Variants in PTPRZ1 observed in about 807,000 individuals in gnomAD.
PTPRZ1 encodes protein tyrosine phosphatase receptor type Z1, also known as receptor-type tyrosine-protein phosphatase zeta.
In PTPRZ1, 82 loss-of-function variants were observed where a neutral mutation model predicts 214.1. The ratio of observed to expected loss-of-function variants is 0.38; its 90% confidence interval spans 0.32 to 0.46. PTPRZ1 has a LOEUF of 0.46. Ranked by LOEUF, PTPRZ1 falls within the 20% of genes least tolerant of loss-of-function variation. The pLI is 1.00. For missense variants in PTPRZ1, 2,603 were observed against 2,748.7 expected, an observed-to-expected ratio of 0.95 and a Z score of 1.19; for synonymous variants, 945 against 987.9, an observed-to-expected ratio of 0.96 and a Z score of 0.81.
rs568839243 is a variant in PTPRZ1, at chr7:121,924,167, CAA to C, written c.59-3986_59-3985del. Among the ~76,000 whole-genome samples, 42 of 151,864 alleles carry C rather than the reference CAA, an allele frequency of 2.8e-4. No individual in the cohort carries two copies. The East Asian group carries it at 7.2e-3, about 26-fold the overall frequency. On this transcript the variant is annotated intron_variant, in intron 1 of 29. Transcript: ENST00000393386. ...GTCAAAGATTTTAAATGGAAAGAAA[CAA>C]AATATAAAAACTACAAAGAAACTGA...
At chr7:122,037,558 A>G (rs1251906805) in intron 18 of PTPRZ1, among the ~76,000 whole-genome samples, 1 of 152,210 alleles carries the variant, frequency 6.6e-6, no homozygotes, top group Admixed American at 6.5e-5. Flanking sequence ...GAACTCAATT[A>G]CTTCCCTAAG....
intron 8 of PTPRZ1, among the ~76,000 whole-genome samples, chr7:121,994,295 T>TTC (rs1798065935): frequency 7.9e-6 from 1 of 126,468 alleles, no homozygotes; most frequent in Non-Finnish European, 1.7e-5. Context: ...ATTTCTTTTT[T>TTC]TTTTTTTTTT....
chr7:121,915,185 C>A (rs1309169749), intron 1 of PTPRZ1, among the ~76,000 whole-genome samples: 1 of 152,040 alleles, frequency 6.6e-6, no homozygotes, highest in Non-Finnish European at 1.5e-5. Context: ...GATCACCATC[C>A]CAAATCACCA....
chr7:121,908,518 C>A, intron 1 of PTPRZ1: 1 of 349,054 alleles, frequency 2.9e-6, no homozygotes, highest in Non-Finnish European at 5.5e-6. Context: ...CCTAGCCTTT[C>A]TAATGGGGTT....
chr7:122,042,806 T>C, intron 22 of PTPRZ1, 63 bp downstream of exon 22: 2 of 1,519,478 alleles, frequency 1.3e-6, no homozygotes, highest in Non-Finnish European at 1.8e-6. Flanking sequence ...AAAATGTAGG[T>C]GTATTCATCT....
chr7:122,038,786 C>T lies in PTPRZ1; in HGVS notation c.5399C>T (p.Ala1800Val), dbSNP rs1289230498. 6.2e-7 allele frequency: 1 copy of T among 1,613,632 alleles called. No individual in the cohort carries two copies. The highest frequency in any genetic ancestry group is 1.7e-5 in the Admixed American group (1 of 60,000). Residue 1800 changes from alanine to valine, a missense_variant, in exon 19 of 30, where the codon GCC becomes GTC. By Grantham distance (64) the Ala-to-Val change is moderately conservative (BLOSUM62 0). Around this residue, in one of 6 missense-constraint regions of PTPRZ1, gnomAD observed 1,913 missense variants for 1,914.3 expected, o/e 1.00. Coordinates refer to ENST00000393386, the MANE Select transcript of PTPRZ1 (RefSeq NM_002851.3). ...GYNRPKAYIAAQGPLKSTAED... is the reference protein window; with the variant it reads ...GYNRPKAYIAVQGPLKSTAED... ...AACAGACCAAAAGCTTATATTGCTG[C>T]CCAAGGCCCACTGAAATCCACAGCT...
chr7:121,969,162 C>T (rs1270235593), intron 3 of PTPRZ1, among the ~76,000 whole-genome samples: 1 of 152,134 alleles, frequency 6.6e-6, no homozygotes, highest in East Asian at 1.9e-4. Context: ...CACTTGAACT[C>T]AAGAGTTGGA....
At position 122,014,650 on chromosome 7, in the gene PTPRZ1, G is replaced by T. The variant is rs887534258; in HGVS notation, c.4843+761G>T. Among the ~76,000 whole-genome samples, 3 of 152,100 alleles carry T rather than the reference G, an allele frequency of 2.0e-5. No homozygotes were observed. In the South Asian group the frequency reaches 6.2e-4, roughly 32 times the overall value. ...AGACGGGGTTTCACCATGTTAGCCA[G>T]GATGGTCTTGATCTCCTGACCTCGT... is the stretch of plus-strand genomic sequence containing the variant. On this transcript the variant is annotated intron_variant, in intron 12 of 29. Transcript: ENST00000393386.
At chr7:122,040,124 G>A (rs1799677383) in intron 20 of PTPRZ1, among the ~76,000 whole-genome samples, 1 of 152,182 alleles carries the variant, frequency 6.6e-6, no homozygotes, top group African/African-American at 2.4e-5. Flanking sequence ...TGTGATACAT[G>A]AACAGAAATT....
At position 121,997,890 on chromosome 7, in the gene PTPRZ1, T is replaced by G; in HGVS notation, c.1124T>G (p.Leu375Arg). Residue 375 changes from leucine (L) to arginine (R), a missense_variant, in exon 10 of 30, where the codon CTC becomes CGC. By Grantham distance (102) the Leu-to-Arg change is moderately radical (BLOSUM62 -2). Transcript: ENST00000393386. ...TDGYQDLGAILNNLLPNMSYV... is the reference protein window; with the variant it reads ...TDGYQDLGAIRNNLLPNMSYV... The stretch of plus-strand genomic sequence containing the variant: ...ACATCTTTCTTTTAGGGTGCTATTC[T>G]CAATAATTTGCTACCCAATATGAGT... 6.2e-7 allele frequency: 1 copy of G among 1,605,994 alleles called. No individual in the cohort carries two copies. Among genetic ancestry groups the G allele is most frequent in the Non-Finnish European group, 8.5e-7 (1 of 1,173,446 alleles).
chr7:122,003,508 A>G (rs1798386919), intron 10 of PTPRZ1, among the ~76,000 whole-genome samples: 1 of 152,202 alleles, frequency 6.6e-6, no homozygotes, highest in Non-Finnish European at 1.5e-5. Context: ...TGTATTGGAA[A>G]ACAGACCTGG....
chr7:122,010,355 A>G lies in PTPRZ1; in HGVS notation c.1309A>G (p.Ile437Val), dbSNP rs1327734551. 1.9e-6 allele frequency: 3 copies of G among 1,607,966 alleles called. No homozygotes were observed. The highest frequency in any genetic ancestry group is 2.7e-5 in the African/African-American group (2 of 74,432). ...IIKEEEEGKD[I>V]EEGAIVNPGR... is the part of the protein sequence containing the mutation. ...AAAGGAGGAGGAAGAGGGAAAAGACATTGAAGAAGGCGCTATTGTGAATCC... is the reference window on the plus strand; with the variant it reads ...AAAGGAGGAGGAAGAGGGAAAAGACGTTGAAGAAGGCGCTATTGTGAATCC... Residue 437 changes from isoleucine to valine, a missense_variant, in exon 12 of 30, where the codon ATT becomes GTT. Coordinates refer to ENST00000393386, the MANE Select transcript of PTPRZ1 (RefSeq NM_002851.3).
intron 26 of PTPRZ1, among the ~76,000 whole-genome samples, chr7:122,054,611 C>A (rs1792293484): frequency 6.6e-6 from 1 of 151,996 alleles, no homozygotes; most frequent in Admixed American, 6.6e-5. Flanking sequence ...TATTGTGTGA[C>A]CATTACACAT....
chr7:121,908,370 A>C, intron 1 of PTPRZ1: 2 of 261,080 alleles, frequency 7.7e-6, no homozygotes, highest in Non-Finnish European at 1.5e-5. Context: ...TTTGGAAAAG[A>C]ATATCAACTA....
chr7:121,880,564 C>G (rs1217005469), intron 1 of PTPRZ1, among the ~76,000 whole-genome samples: 1 of 152,094 alleles, frequency 6.6e-6, no homozygotes, highest in East Asian at 1.9e-4. Flanking sequence ...GAGCTCTTTT[C>G]TCTGAACTGA....
chr7:121,976,297 A>G, intron 5 of PTPRZ1, 29 bp downstream of exon 5: 1 of 1,299,406 alleles, frequency 7.7e-7, no homozygotes, highest in Non-Finnish European at 1.1e-6. Context: ...ACACTAATGT[A>G]ATTCCTTTTT....
At chr7:122,052,755 A>C (rs1794961469) in intron 25 of PTPRZ1, among the ~76,000 whole-genome samples, 1 of 152,138 alleles carries the variant, frequency 6.6e-6, no homozygotes, top group African/African-American at 2.4e-5. Flanking sequence ...AATATGCAAG[A>C]TGTCTCCCTG....
chr7:122,004,771 CTGTT>C (rs2116635787), intron 11 of PTPRZ1, 111 bp downstream of exon 11: 4 of 603,648 alleles, frequency 6.6e-6, no homozygotes, highest in South Asian at 2.0e-5. Flanking sequence ...GTATGATTCA[CTGTT>C]TGTGGGGTTA....
chr7:121,967,905 C>A, intron 2 of PTPRZ1, 46 bp from the exon 3 acceptor site: 1 of 1,356,428 alleles, frequency 7.4e-7, no homozygotes, highest in Non-Finnish European at 1.0e-6. Flanking sequence ...TTAATTTTTG[C>A]ATGGTAATTT....
Sources: gnomAD v4.1 joint callset for allele counts (sites outside exome capture counted in the v4.1 genomes callset) on GRCh38, gnomAD v4.1.1 for gene constraint, gnomAD v4.1.1 regional missense constraint, MANE v1.5 for transcripts, NCBI Gene and HGNC (gene_info 2026-07-23, HGNC 2026-07-21) for gene names.